Variants in KCTD1 observed in about 807,000 individuals in gnomAD.
KCTD1 encodes BTB/POZ domain-containing protein KCTD1.
In KCTD1, 24 loss-of-function variants were observed where a neutral mutation model predicts 66.0. That is an observed-to-expected ratio of 0.36 (90% CI 0.26 to 0.51). The LOEUF is 0.51. KCTD1 is among the 20% of genes least tolerant of loss of function. KCTD1 has a pLI of 0.95. For missense variants in KCTD1, 943 were observed against 1,205.2 expected (o/e 0.78, Z 3.22); for synonymous variants, 511 against 517.2 (o/e 0.99, Z 0.16).
chr18:26,596,922 C>T (rs1160700224), intron 1 of KCTD1, among the ~76,000 whole-genome samples: 1 of 152,186 alleles, frequency 6.6e-6, no homozygotes, highest in Non-Finnish European at 1.5e-5. Flanking sequence ...TCACATATGG[C>T]TCTTTGATTT....
At position 26,476,094 on chromosome 18, in the gene KCTD1, G is replaced by T. The variant is rs776871626; in HGVS notation, c.2133+421C>A. Among the ~76,000 whole-genome samples the T allele has an allele frequency of 6.6e-6, 1 of 152,104 alleles. No homozygotes were observed. The highest frequency in any genetic ancestry group is 2.4e-5 in the African/African-American group (1 of 41,406). Reference sequence around the variant, plus strand: ...CCAGCACAATGTGGGCTATCTCAGCGTGACTAACCTTAACACTTATTACTA... The same window carrying T: ...CCAGCACAATGTGGGCTATCTCAGCTTGACTAACCTTAACACTTATTACTA... On this transcript the variant is annotated intron_variant, in intron 3 of 4. Coordinates refer to ENST00000580059, the MANE Select transcript of KCTD1 (RefSeq NM_001142730.3). This position sits in a 1 kb window ranked among gnomAD's most constrained non-coding sequence, Gnocchi z 4.9.
intron 1 of KCTD1, among the ~76,000 whole-genome samples, chr18:26,525,983 G>A (rs1054196648): frequency 6.6e-5 from 10 of 152,006 alleles, no homozygotes; most frequent in African/African-American, 2.4e-4. Context: ...TCTTGTGGCC[G>A]GCTATCATTT....
chr18:26,547,687 T>C lies in KCTD1; in HGVS notation c.850A>G (p.Ile284Val). 6.4e-7 allele frequency: 1 copy of C among 1,551,090 alleles called. No individual in the cohort carries two copies. Among genetic ancestry groups the C allele is most frequent in the Non-Finnish European group, 8.7e-7 (1 of 1,146,972 alleles). Residue 284 changes from isoleucine to valine, a missense_variant, in exon 1 of 5, where the codon ATC (isoleucine) becomes GTC (valine). Coordinates refer to ENST00000580059, the MANE Select transcript of KCTD1 (RefSeq NM_001142730.3). ...GAGPVVQKQA[I>V]TRADLRKLYT... ...AGCTTGCGCAGGTCGGCGCGCGTGA[T>C]GGCTTGCTTCTGCACCACCGGCCCG... is the stretch of plus-strand genomic sequence containing the variant.
chr18:26,581,189 C>T (rs1219107239), intron 1 of KCTD1: 1 of 152,200 alleles, frequency 6.6e-6, no homozygotes, highest in Non-Finnish European at 1.5e-5. Flanking sequence ...ATACATCTGA[C>T]TTCTCTAAAT....
At chr18:26,479,003 A>G (rs1981487814) in intron 2 of KCTD1, among the ~76,000 whole-genome samples, 2 of 152,264 alleles carry the variant, frequency 1.3e-5, no homozygotes, top group Admixed American at 6.5e-5. Flanking sequence ...CTTTCTAAAA[A>G]TAGGAGAGAA....
chr18:26,592,632 T>C (rs1365832828), intron 1 of KCTD1, among the ~76,000 whole-genome samples: 1 of 152,244 alleles, frequency 6.6e-6, no homozygotes, highest in Non-Finnish European at 1.5e-5. Flanking sequence ...CCAAAGATCT[T>C]GACTTCCATC....
In KCTD1 at chr18:26,584,166, T is replaced by C. The variant is rs528082373; in HGVS notation, c.-16+44981A>G. On this transcript the variant is annotated intron_variant, in intron 1 of 4. Transcript: ENST00000317932. ...GTGAGGGCTTTGAGGGCTCATCAAG[T>C]GTGCTGGCAATACCCGGAACAGATA... Among the ~76,000 whole-genome samples, 6 of 152,312 alleles carry C rather than the reference T, an allele frequency of 3.9e-5. No homozygotes were observed. In the East Asian group the frequency reaches 9.6e-4, roughly 24 times the overall value.
At chr18:26,610,605 G>T in intron 1 of KCTD1, among the ~76,000 whole-genome samples, 1 of 146,646 alleles carries the variant, frequency 6.8e-6, no homozygotes, top group Non-Finnish European at 1.5e-5. Context: ...AAGGAAGGAA[G>T]GAAGGAAGGA....
At chr18:26,560,648 G>T (rs1291387486) in intron 1 of KCTD1, among the ~76,000 whole-genome samples, 1 of 152,184 alleles carries the variant, frequency 6.6e-6, no homozygotes, top group African/African-American at 2.4e-5. Flanking sequence ...GGAAGGGTGT[G>T]TTCTGGGGTG....
At chr18:26,656,045 G>A (rs1988128302) in intron 1 of KCTD1, among the ~76,000 whole-genome samples, 1 of 152,076 alleles carries the variant, frequency 6.6e-6, no homozygotes, top group Admixed American at 6.5e-5. Flanking sequence ...GGGTAGGGGG[G>A]CGGCGGCAGT....
intron 1 of KCTD1, among the ~76,000 whole-genome samples, chr18:26,553,607 C>G (rs1445444996): frequency 2.0e-5 from 3 of 152,078 alleles, no homozygotes; most frequent in Non-Finnish European, 4.4e-5. Context: ...TACTAGCCAC[C>G]CTTTTCTATG....
intron 2 of KCTD1, among the ~76,000 whole-genome samples, chr18:26,483,460 G>T (rs1406122376): frequency 1.3e-5 from 2 of 152,020 alleles, no homozygotes; most frequent in African/African-American, 2.4e-5. Flanking sequence ...GTAGAGTTGG[G>T]GTTTCACCAT....
At chr18:26,614,870 G>A (rs899282249) in intron 1 of KCTD1, among the ~76,000 whole-genome samples, 1 of 152,176 alleles carries the variant, frequency 6.6e-6, no homozygotes, top group African/African-American at 2.4e-5. Context: ...GTTATGTACC[G>A]TGAAAGTGTG....
chr18:26,575,056 A>T (rs1485366589), intron 1 of KCTD1, among the ~76,000 whole-genome samples: 1 of 152,164 alleles, frequency 6.6e-6, no homozygotes, highest in Non-Finnish European at 1.5e-5. Context: ...CCACCTGGAG[A>T]CATAAACCCA....
chr18:26,601,345 A>G (rs1166082963), intron 1 of KCTD1, among the ~76,000 whole-genome samples: 1 of 151,416 alleles, frequency 6.6e-6, no homozygotes, highest in African/African-American at 2.4e-5. Context: ...AAAAAAAAAA[A>G]AAAAGAAAGA....
At chr18:26,654,789 C>T (rs887723294) in intron 1 of KCTD1, among the ~76,000 whole-genome samples, 2 of 152,180 alleles carry the variant, frequency 1.3e-5, no homozygotes, top group African/African-American at 2.4e-5. Context: ...TTCATGGTCA[C>T]CTTTGCAACC....
At chr18:26,653,313 G>C (rs1179831994) in intron 1 of KCTD1, among the ~76,000 whole-genome samples, 1 of 152,150 alleles carries the variant, frequency 6.6e-6, no homozygotes, top group Non-Finnish European at 1.5e-5. Context: ...CTCCTGGCTT[G>C]GTAAAATACT....
intron 1 of KCTD1, among the ~76,000 whole-genome samples, chr18:26,614,001 C>T (rs981316723): frequency 1.3e-5 from 2 of 152,202 alleles, no homozygotes; most frequent in African/African-American, 4.8e-5. Flanking sequence ...CCACCCCTTC[C>T]TCATGTGACA....
At chr18:26,499,240 C>T (rs777300053) in intron 2 of KCTD1, among the ~76,000 whole-genome samples, 1 of 152,138 alleles carries the variant, frequency 6.6e-6, no homozygotes, top group East Asian at 1.9e-4. Flanking sequence ...GAATTAAATT[C>T]ATCTAAAGAG....
Sources: allele counts gnomAD v4.1 joint callset (sites outside exome capture counted in the v4.1 genomes callset), GRCh38; gene constraint gnomAD v4.1.1; non-coding constraint Gnocchi (gnomAD v3.1); transcripts MANE v1.5; gene names NCBI Gene and HGNC (gene_info 2026-07-23, HGNC 2026-07-21).